The following BAIAP2L1 variants were observed in gnomAD, a reference collection of about 807,000 sequenced individuals.
The protein encoded by BAIAP2L1 is BAR/IMD domain-containing adapter protein 2-like 1.
Under a neutral mutation model 66.3 loss-of-function variants are expected in BAIAP2L1, and 35 were observed. That is an observed-to-expected ratio of 0.53 (90% CI 0.40 to 0.70). BAIAP2L1 has a LOEUF of 0.70. BAIAP2L1 is among the 30% of genes least tolerant of loss of function. BAIAP2L1 has a pLI of 0.00. For missense variants in BAIAP2L1, 622 were observed against 656.9 expected, an observed-to-expected ratio of 0.95 and a Z score of 0.58; for synonymous variants, 269 against 248.7, an observed-to-expected ratio of 1.08 and a Z score of -0.77.
chr7:98,307,338 T>G (rs1007853897), intron 10 of BAIAP2L1: 1 of 1,029,464 alleles, frequency 9.7e-7, no homozygotes, highest in African/African-American at 1.7e-5. Flanking sequence ...ACTCCTAACC[T>G]CAGGTGATCT....
chr7:98,327,905 C>T (rs1303613192), intron 3 of BAIAP2L1, among the ~76,000 whole-genome samples: 2 of 152,074 alleles, frequency 1.3e-5, no homozygotes, highest in Non-Finnish European at 1.5e-5. Context: ...ATATTATTAA[C>T]GCTTTGCTTA....
chr7:98,310,176 C>A, intron 9 of BAIAP2L1: 1 of 377,578 alleles, frequency 2.6e-6, no homozygotes, highest in South Asian at 3.4e-5. Context: ...ATAGATAATT[C>A]TCAACAGTAT....
intron 5 of BAIAP2L1, 44 bp from the exon 6 acceptor site, chr7:98,317,400 G>T (rs762430497): frequency 6.2e-7 from 1 of 1,606,202 alleles, no homozygotes. Flanking sequence ...GGCACCACAC[G>T]AATTGTCACA....
intron 3 of BAIAP2L1, among the ~76,000 whole-genome samples, chr7:98,337,376 C>T (rs531362711): frequency 5.9e-5 from 9 of 152,242 alleles, no homozygotes; most frequent in African/African-American, 2.2e-4. Context: ...AGATTACAGG[C>T]GTGTGCCATC....
intron 1 of BAIAP2L1, among the ~76,000 whole-genome samples, chr7:98,367,629 G>C (rs1366751707): frequency 6.7e-6 from 1 of 149,410 alleles, no homozygotes; most frequent in East Asian, 2.0e-4. Context: ...TCTGCCTCTG[G>C]GGTTCACGTC....
chr7:98,335,152 CAAAA>C (rs59557441), intron 3 of BAIAP2L1, among the ~76,000 whole-genome samples: 145 of 54,696 alleles, frequency 2.7e-3, no homozygotes, highest in African/African-American at 7.8e-3. Flanking sequence ...GACTCCATCT[CAAAA>C]AAAAAAAAAA....
chr7:98,386,213 C>T (rs1355244059), intron 1 of BAIAP2L1: 8 of 1,515,820 alleles, frequency 5.3e-6, no homozygotes, highest in Non-Finnish European at 7.3e-6. Flanking sequence ...GTCTTGACAT[C>T]AACGTGAGCT....
chr7:98,329,776 A>C (rs1409662066), intron 3 of BAIAP2L1, among the ~76,000 whole-genome samples: 1 of 151,638 alleles, frequency 6.6e-6, no homozygotes, highest in East Asian at 1.9e-4. Flanking sequence ...CTATCACCCC[A>C]CACCCATCCA....
At chr7:98,311,855 G>A (rs547853653) in intron 8 of BAIAP2L1, among the ~76,000 whole-genome samples, 2 of 152,088 alleles carry the variant, frequency 1.3e-5, no homozygotes, top group Admixed American at 6.6e-5. Flanking sequence ...GCAGTGAGCC[G>A]AGATCACTCC....
At chr7:98,318,902 C>T (rs934513238) in intron 5 of BAIAP2L1, among the ~76,000 whole-genome samples, 5 of 148,154 alleles carry the variant, frequency 3.4e-5, no homozygotes, top group Non-Finnish European at 7.4e-5. Flanking sequence ...CCCGAGATTG[C>T]GCCACTGCAC....
intron 1 of BAIAP2L1, among the ~76,000 whole-genome samples, chr7:98,384,693 C>CTTTTTTT (rs11413562): frequency 1.7e-5 from 2 of 118,796 alleles, no homozygotes; most frequent in African/African-American, 3.1e-5. Context: ...ATCATTCTAC[C>CTTTTTTT]TTTTTTTTTT....
chr7:98,293,526 G>A lies in BAIAP2L1; in HGVS notation c.1531C>T (p.Arg511Ter), dbSNP rs1439499536. 7 of 1,613,098 alleles carry A rather than the reference G, an allele frequency of 4.3e-6. No homozygotes were observed. The highest frequency in any genetic ancestry group is 1.3e-5 in the African/African-American group (1 of 74,906). The change falls in exon 14 of 14, where the codon CGA becomes TGA. Residue 511 changes from arginine to a stop codon, truncating the protein, a stop_gained. Coordinates refer to ENST00000005260, the MANE Select transcript of BAIAP2L1 (RefSeq NM_018842.5). LOFTEE classifies it high-confidence loss of function. ...GAGAGTCCTTGGCTGTCCTCTCATCGAATGATGGGTGCCGAGCGATCATTC... is the reference window on the plus strand; with the variant it reads ...GAGAGTCCTTGGCTGTCCTCTCATCAAATGATGGGTGCCGAGCGATCATTC... ...VTNDRSAPII[R>*]
rs2116871782 is a variant in BAIAP2L1 at position 98,310,313 on chromosome 7, C to T, written c.955+132G>A. 11 of 971,360 alleles carry T rather than the reference C, an allele frequency of 1.1e-5. No homozygotes were observed. In the South Asian group the frequency reaches 1.9e-4, roughly 17 times the overall value. 60.2% of individuals were successfully genotyped at this position (971,360 alleles called of 1,614,324 possible). On this transcript the variant is annotated intron_variant, in intron 9 of 13. Transcript: ENST00000005260. ...GAACTCACGCTCTGCAAAGCCAGGG[C>T]TGAATGTATCTACCATACCTGCTTG...
intron 3 of BAIAP2L1, among the ~76,000 whole-genome samples, chr7:98,336,001 T>C (rs566812898): frequency 5.9e-5 from 9 of 152,174 alleles, no homozygotes; most frequent in Admixed American, 6.5e-5. Flanking sequence ...TGCAGTAGCA[T>C]GGATGCAGCT....
intron 2 of BAIAP2L1, among the ~76,000 whole-genome samples, chr7:98,359,642 C>T (rs868285253): frequency 5.3e-5 from 8 of 152,074 alleles, no homozygotes; most frequent in Admixed American, 1.3e-4. Flanking sequence ...AGCTCATCTC[C>T]TGCAGGGCCT....
Position 98,312,244 on chromosome 7 carries a change from G to A in BAIAP2L1, c.660C>T (p.Ser220=). 1 of 1,612,696 alleles carries A rather than the reference G, an allele frequency of 6.2e-7. No individual in the cohort carries two copies. The highest frequency in any genetic ancestry group is 8.5e-7 in the Non-Finnish European group (1 of 1,179,568). The part of the protein sequence containing the change: ...YHLQSAELLN[S]KLPRWQETCV... ...AGGTCTCCTGCCACCGAGGCAGCTT[G>A]GAATTCAGTAGTTCTGCAGACTGCA... Residue 220 remains serine (S), a synonymous_variant, in exon 8 of 14, where the codon TCC becomes TCT. Transcript: ENST00000005260.
At chr7:98,341,449 G>A (rs1212263142) in intron 3 of BAIAP2L1, among the ~76,000 whole-genome samples, 2 of 152,162 alleles carry the variant, frequency 1.3e-5, no homozygotes, top group Non-Finnish European at 2.9e-5. Context: ...CTGGGAGGCT[G>A]AGGTGGGAGG....
chr7:98,374,888 C>T (rs1179652519), intron 1 of BAIAP2L1, among the ~76,000 whole-genome samples: 1 of 151,798 alleles, frequency 6.6e-6, no homozygotes, highest in African/African-American at 2.4e-5. Flanking sequence ...GGGTTCAAGA[C>T]CAGCCTAAGC....
At chr7:98,296,671 A>G (rs1800206123) in intron 12 of BAIAP2L1, among the ~76,000 whole-genome samples, 1 of 152,186 alleles carries the variant, frequency 6.6e-6, no homozygotes, top group Non-Finnish European at 1.5e-5. Flanking sequence ...CAGAAACAAC[A>G]AAAACATATT....
Sources: gnomAD v4.1 joint callset for allele counts (sites outside exome capture counted in the v4.1 genomes callset) on GRCh38, gnomAD v4.1.1 for gene constraint, MANE v1.5 for transcripts, NCBI Gene and HGNC (gene_info 2026-07-23, HGNC 2026-07-21) for gene names.